The following BTBD7 variants were observed in gnomAD, a reference collection of about 807,000 sequenced individuals.
The protein encoded by BTBD7 is BTB domain containing 7.
BTBD7 carries 38 observed loss-of-function variants against 99.9 expected under a neutral mutation model. The ratio of observed to expected loss-of-function variants is 0.38; its 90% CI spans 0.29 to 0.50. The LOEUF is 0.50. Ranked by LOEUF, BTBD7 falls within the 20% of genes least tolerant of loss-of-function variation. The probability of loss-of-function intolerance (pLI) is 0.93; values close to 1 mark genes in which losing one functional copy is unlikely to be tolerated. For missense variants in BTBD7, 1,170 were observed against 1,394.6 expected (o/e 0.84, Z 2.57); for synonymous variants, 520 against 511.4 (o/e 1.02, Z -0.23).
intron 8 of BTBD7, among the ~76,000 whole-genome samples, chr14:93,249,966 T>C (rs960044607): frequency 6.6e-6 from 1 of 152,178 alleles, no homozygotes; most frequent in Non-Finnish European, 1.5e-5. Context: ...CCAGGCAAAC[T>C]CCTGTGCATA....
At chr14:93,278,372 C>T (rs1445691906) in intron 3 of BTBD7, among the ~76,000 whole-genome samples, 33 of 152,144 alleles carry the variant, frequency 2.2e-4, no homozygotes, top group Non-Finnish European at 5.9e-5. Flanking sequence ...TGAGATTGCA[C>T]CACTGCACTC....
chr14:93,258,051 A>G (rs2139696933), intron 5 of BTBD7, among the ~76,000 whole-genome samples: 1 of 152,300 alleles, frequency 6.6e-6, no homozygotes, highest in Admixed American at 6.5e-5. Flanking sequence ...AAGAAAAATT[A>G]TGTAATTTGG....
rs2053127854 is a variant in BTBD7 at position 93,310,770 on chromosome 14, C to CCCT, written c.-106-14614_-106-14613insAGG. On this transcript the variant is annotated intron_variant, in intron 1 of 10. Coordinates refer to ENST00000334746, the MANE Select transcript of BTBD7 (RefSeq NM_001002860.4). ...ACAAACAAACAAAAAAACCAAAAAA[C>CCCT]TTTTTTTTTTTTTTTTTTTTGCCAA... is the stretch of plus-strand genomic sequence containing the variant. Among the ~76,000 whole-genome samples, 8 of 116,656 alleles carry CCCT rather than the reference C, an allele frequency of 6.9e-5. No individual in the cohort carries two copies. In the South Asian group the frequency reaches 8.0e-4, roughly 12 times the overall value. The allele number at this position is 116,656 out of a possible 152,430, so 76.5% of individuals were successfully genotyped here. A position where few individuals can be genotyped will look rare whatever the true frequency, so the allele number is the denominator to read the frequency against.
In BTBD7 at chr14:93,279,361, T is replaced by G. The variant is rs1318641290; in HGVS notation, c.1162+14497A>C. On this transcript the variant is annotated intron_variant, in intron 3 of 10. Transcript: ENST00000334746. ...GCTGCCTGATATGCTCGCTTTTACC[T>G]CCAATCTTTGCTTAACTCCTACTCC... 3.3e-5 allele frequency among the ~76,000 whole-genome samples: 5 copies of G among 152,212 alleles called. No individual in the cohort carries two copies. In the East Asian group the frequency reaches 7.7e-4, roughly 24 times the overall value.
intron 3 of BTBD7, among the ~76,000 whole-genome samples, chr14:93,274,740 A>G (rs1001163435): frequency 6.6e-6 from 1 of 152,156 alleles, no homozygotes; most frequent in South Asian, 2.1e-4. Flanking sequence ...ACGAGGCTCT[A>G]CTTTTTGGAG....
chr14:93,284,330 C>A (rs1001213517), intron 3 of BTBD7, among the ~76,000 whole-genome samples: 5 of 152,074 alleles, frequency 3.3e-5, no homozygotes, highest in African/African-American at 1.2e-4. Context: ...ACCATTTAGA[C>A]CCCATGTAAA....
chr14:93,310,285 A>T (rs1217617952), intron 1 of BTBD7, among the ~76,000 whole-genome samples: 1 of 152,214 alleles, frequency 6.6e-6, no homozygotes. Context: ...CCTTAATATG[A>T]AACTCCTGGG....
rs147063924 is a variant in BTBD7, at chr14:93,326,734, G to A, written c.-107+6086C>T. On this transcript the variant is annotated intron_variant, in intron 1 of 10. Transcript: ENST00000334746. ...GGAGAGAATCACTTGAACCTGGGAG[G>A]CAGCAGTTGCAGTGAGCCAGGATCA... Among the ~76,000 whole-genome samples, 1,433 of 150,862 alleles carry A rather than the reference G, an allele frequency of 9.5e-3. 8 individuals carry two copies. The highest frequency in any genetic ancestry group is 0.043 in the Middle Eastern group (12 of 278).
intron 1 of BTBD7, among the ~76,000 whole-genome samples, chr14:93,330,104 T>A (rs1308380703): frequency 2.0e-5 from 3 of 152,214 alleles, no homozygotes; most frequent in African/African-American, 7.2e-5. Context: ...TCACTCTAAC[T>A]TAACCTGTAG....
At chr14:93,331,092 A>C (rs1325658175) in intron 1 of BTBD7, among the ~76,000 whole-genome samples, 3 of 152,148 alleles carry the variant, frequency 2.0e-5, no homozygotes, top group African/African-American at 7.2e-5. Flanking sequence ...GTTTTTATTA[A>C]GTTCAGGTTA....
rs2052209645 is a variant in BTBD7 at position 93,240,276 on chromosome 14, G to A, written c.*1997C>T. The stretch of plus-strand genomic sequence containing the variant: ...CAGAACGAGTGGCGGCAGTTTGCCG[G>A]GGCGTGCAGACACACGACATGTTTC... On this transcript the variant is annotated 3_prime_UTR_variant, in exon 11 of 11. Coordinates refer to ENST00000334746, the MANE Select transcript of BTBD7 (RefSeq NM_001002860.4). 1 of 152,668 alleles carries A rather than the reference G, an allele frequency of 6.6e-6. No individual in the cohort carries two copies. The highest frequency in any genetic ancestry group is 2.4e-5 in the African/African-American group (1 of 41,454). 9.5% of individuals were successfully genotyped at this position (152,668 alleles called of 1,614,324 possible).
Position 93,241,665 on chromosome 14 carries a change from C to T in BTBD7, c.*608G>A, listed in dbSNP as rs1488668500. The T allele has an allele frequency of 6.6e-6, 1 of 152,438 alleles. No homozygotes were observed. Among genetic ancestry groups the T allele is most frequent in the East Asian group, 1.9e-4 (1 of 5,194 alleles). The allele number at this position is 152,438 out of a possible 1,614,324, so 9.4% of individuals were successfully genotyped here. ...CTGGACTCCCGCTGGAGGAATGAAG[C>T]CCAGCTCCTAGGACTTATTAAAAAA... On this transcript the variant is annotated 3_prime_UTR_variant, in exon 11 of 11. Coordinates refer to ENST00000334746, the MANE Select transcript of BTBD7 (RefSeq NM_001002860.4).
intron 10 of BTBD7, among the ~76,000 whole-genome samples, chr14:93,244,855 CTTTTTTTT>C (rs58775665): frequency 9.3e-6 from 1 of 107,472 alleles, no homozygotes; most frequent in Non-Finnish European, 1.8e-5. Flanking sequence ...TCTTACAAAT[CTTTTTTTT>C]TTTTTTTTTT....
chr14:93,252,119 G>A (rs1298550430), intron 7 of BTBD7, among the ~76,000 whole-genome samples: 2 of 152,004 alleles, frequency 1.3e-5, no homozygotes, highest in African/African-American at 2.4e-5. Flanking sequence ...AGACCAGTCT[G>A]GCCAACAAGG....
intron 1 of BTBD7, among the ~76,000 whole-genome samples, chr14:93,299,222 A>G (rs2052964499): frequency 6.6e-6 from 1 of 152,124 alleles, no homozygotes; most frequent in Non-Finnish European, 1.5e-5. Flanking sequence ...CTACAGCAAT[A>G]TTTCTTCTCA....
intron 3 of BTBD7, among the ~76,000 whole-genome samples, chr14:93,286,757 C>G (rs2052783016): frequency 1.3e-5 from 2 of 152,200 alleles, no homozygotes; most frequent in Admixed American, 6.5e-5. Context: ...AGCCTCACCA[C>G]ATTCATCGGC....
rs142891686 is a variant in BTBD7, at chr14:93,312,173, T to A, written c.-106-16016A>T. 3.9e-5 allele frequency among the ~76,000 whole-genome samples: 6 copies of A among 152,296 alleles called. No homozygotes were observed. In the East Asian group the frequency reaches 1.2e-3, roughly 29 times the overall value. On this transcript the variant is annotated intron_variant, in intron 1 of 10. Transcript: ENST00000334746. ...CCTGTCTCTACCCCAGTATTTTAAG[T>A]GATATATTTTTATTTACAGTGAATA...
In BTBD7 at chr14:93,294,853, T is replaced by C. The variant is rs774129981; in HGVS notation, c.167A>G (p.Lys56Arg). ...GGCAAGACCAGAGGTTCTCTTTTTT[T>C]TGTCTTGTGGTTTCTCATGGCCATG... ...LDHGHEKPQD[K>R]KKRTSGLATL... The change falls in exon 3 of 11, where the codon AAA becomes AGA. Residue 56 changes from lysine (K) to arginine (R), a missense_variant. Coordinates refer to ENST00000334746, the MANE Select transcript of BTBD7 (RefSeq NM_001002860.4). 1 of 1,613,910 alleles carries C rather than the reference T, an allele frequency of 6.2e-7. No homozygotes were observed. The highest frequency in any genetic ancestry group is 8.5e-7 in the Non-Finnish European group (1 of 1,180,020).
At chr14:93,265,599 G>A (rs1481743261) in intron 3 of BTBD7, among the ~76,000 whole-genome samples, 1 of 152,224 alleles carries the variant, frequency 6.6e-6, no homozygotes, top group African/African-American at 2.4e-5. Context: ...TTGATGCGTG[G>A]AGTGGGAAGT....
Sources: gnomAD v4.1 joint callset for allele counts (sites outside exome capture counted in the v4.1 genomes callset) on GRCh38, gnomAD v4.1.1 for gene constraint, MANE v1.5 for transcripts, NCBI Gene and HGNC (gene_info 2026-07-23, HGNC 2026-07-21) for gene names.